CCDC60: variants seen among roughly 807,000 people sequenced by gnomAD.
CCDC60 encodes coiled-coil domain containing 60.
A neutral mutation model predicts 63.5 loss-of-function variants in CCDC60; 54 were observed. The observed-to-expected ratio is 0.85, with a 90% CI of 0.68 to 1.07. The LOEUF is 1.07. CCDC60 is among the 50% of genes least tolerant of loss of function. The probability of loss-of-function intolerance (pLI) is 0.00; values close to 1 mark genes in which losing one functional copy is unlikely to be tolerated. For missense variants in CCDC60, 651 were observed against 684.3 expected, an observed-to-expected ratio of 0.95 and a Z score of 0.54; for synonymous variants, 206 against 238.8, an observed-to-expected ratio of 0.86 and a Z score of 1.27.
At chr12:119,452,623 C>G (rs1328286258) in intron 2 of CCDC60, among the ~76,000 whole-genome samples, 1 of 152,174 alleles carries the variant, frequency 6.6e-6, no homozygotes, top group African/African-American at 2.4e-5. Context: ...AGCTTTCTCA[C>G]AGTTACTGGC....
chr12:119,458,349 A>G (rs561058938), intron 2 of CCDC60, among the ~76,000 whole-genome samples: 6 of 152,336 alleles, frequency 3.9e-5, no homozygotes, highest in African/African-American at 1.4e-4. Flanking sequence ...TTATAGCCCC[A>G]TATTTCTTGT....
At chr12:119,353,801 A>G (rs940556932) in intron 1 of CCDC60, among the ~76,000 whole-genome samples, 1 of 151,978 alleles carries the variant, frequency 6.6e-6, no homozygotes, top group Admixed American at 6.5e-5. Flanking sequence ...GGCTGGGCGC[A>G]GTGGCTTACG....
intron 1 of CCDC60, among the ~76,000 whole-genome samples, chr12:119,396,918 T>A (rs1371691792): frequency 6.6e-6 from 1 of 152,192 alleles, no homozygotes; most frequent in Non-Finnish European, 1.5e-5. Context: ...GTGTTACATT[T>A]CTTAAAGATG....
intron 1 of CCDC60, among the ~76,000 whole-genome samples, chr12:119,336,518 C>A (rs1197590717): frequency 6.6e-6 from 1 of 152,206 alleles, no homozygotes; most frequent in Non-Finnish European, 1.5e-5. Context: ...TCTCAGAGAT[C>A]TGCTGGTCTC....
intron 1 of CCDC60, among the ~76,000 whole-genome samples, chr12:119,419,061 C>G (rs916390799): frequency 2.6e-5 from 4 of 152,246 alleles, no homozygotes; most frequent in Admixed American, 2.6e-4. Context: ...CTGGCCATTT[C>G]TGCCTTGTGC....
At chr12:119,465,395 T>G (rs935488054) in intron 2 of CCDC60, among the ~76,000 whole-genome samples, 36 of 152,326 alleles carry the variant, frequency 2.4e-4, no homozygotes, top group South Asian at 1.0e-3. Context: ...CACCTTTTTT[T>G]GGGTGAAACC....
At chr12:119,418,021 GAAGATTCCAAACCTACAGA>G (rs1371112683) in intron 1 of CCDC60, among the ~76,000 whole-genome samples, 1 of 152,188 alleles carries the variant, frequency 6.6e-6, no homozygotes, top group African/African-American at 2.4e-5. Flanking sequence ...AAAGATTGTA[GAAGATTCCAAACCTACAGA>G]AAGTTTGCAA....
chr12:119,480,967 A>G (rs550344128), intron 4 of CCDC60, among the ~76,000 whole-genome samples: 1 of 149,598 alleles, frequency 6.7e-6, no homozygotes, highest in South Asian at 2.1e-4. Context: ...CATCACCATC[A>G]CCATCATTAT....
chr12:119,526,183 A>G (rs1253426469), intron 11 of CCDC60, among the ~76,000 whole-genome samples: 1 of 152,200 alleles, frequency 6.6e-6, no homozygotes, highest in African/African-American at 2.4e-5. Flanking sequence ...TATTCAATAA[A>G]TGGTGCTGGG....
intron 11 of CCDC60, among the ~76,000 whole-genome samples, chr12:119,524,728 T>TTC: frequency 6.9e-6 from 1 of 145,022 alleles, no homozygotes; most frequent in East Asian, 2.0e-4. Flanking sequence ...TTTCTTTTTT[T>TTC]TTTTTTTTTT....
At chr12:119,489,355 C>A (rs1402232555) in intron 5 of CCDC60, among the ~76,000 whole-genome samples, 1 of 151,662 alleles carries the variant, frequency 6.6e-6, no homozygotes, top group Non-Finnish European at 1.5e-5. Flanking sequence ...TTGCTTTGGT[C>A]TTTTTGTTGC....
intron 1 of CCDC60, among the ~76,000 whole-genome samples, chr12:119,346,774 CTCTTTCTTTCTTTCTT>C (rs61270891): frequency 0.052 from 6,510 of 125,348 alleles, 254 homozygotes; most frequent in Admixed American, 0.12. Context: ...ACTCATCTTT[CTCTTTCTTTCTTTCTT>C]TCTTTCTTTC....
chr12:119,518,285 G>A (rs1156544578), intron 8 of CCDC60, among the ~76,000 whole-genome samples: 1 of 152,194 alleles, frequency 6.6e-6, no homozygotes, highest in Non-Finnish European at 1.5e-5. Context: ...CACAGCACAA[G>A]CACTGGCTTT....
intron 1 of CCDC60, among the ~76,000 whole-genome samples, chr12:119,384,982 G>C (rs1956045638): frequency 6.6e-6 from 1 of 152,266 alleles, no homozygotes; most frequent in Non-Finnish European, 1.5e-5. Context: ...GAAACCATGT[G>C]CCCTGGCACG....
chr12:119,518,395 C>T (rs373622164), intron 8 of CCDC60, among the ~76,000 whole-genome samples: 21 of 152,126 alleles, frequency 1.4e-4, no homozygotes, highest in African/African-American at 3.4e-4. Flanking sequence ...GAGATTGTGT[C>T]GCATCAAAGC....
At chr12:119,373,229 A>C (rs1202344054) in intron 1 of CCDC60, among the ~76,000 whole-genome samples, 1 of 152,152 alleles carries the variant, frequency 6.6e-6, no homozygotes, top group Non-Finnish European at 1.5e-5. Flanking sequence ...TATAACTCCA[A>C]TTCCCTTACA....
intron 1 of CCDC60, among the ~76,000 whole-genome samples, chr12:119,382,076 A>G (rs939151856): frequency 6.6e-6 from 1 of 152,190 alleles, no homozygotes; most frequent in Non-Finnish European, 1.5e-5. Context: ...GAGAAACCCT[A>G]CTTGACCCCA....
chr12:119,400,047 C>CTTTTT (rs550702095), intron 1 of CCDC60, among the ~76,000 whole-genome samples: 38 of 131,790 alleles, frequency 2.9e-4, no homozygotes, highest in Non-Finnish European at 5.1e-4. Flanking sequence ...GGTTGGTTTC[C>CTTTTT]TTTTTTTTTT....
In CCDC60 at chr12:119,530,913, G is replaced by A. The variant is rs571851641; in HGVS notation, c.1401G>A (p.Lys467=). 43 of 1,614,008 alleles carry A rather than the reference G, an allele frequency of 2.7e-5. No individual in the cohort carries two copies. The highest frequency in any genetic ancestry group is 3.6e-5 in the Non-Finnish European group (43 of 1,179,998). ...DLLSKLPEDL[K]NFRPAKKILV... ...TGTCCAAACTGCCAGAGGATCTAAAGAACTTCCGCCCCGCCAAAAAGATCC... is the reference window on the plus strand; with the variant it reads ...TGTCCAAACTGCCAGAGGATCTAAAAAACTTCCGCCCCGCCAAAAAGATCC... The change falls in exon 13 of 14, where the codon AAG becomes AAA. Residue 467 remains lysine (K), a synonymous_variant. Coordinates refer to ENST00000327554, the MANE Select transcript of CCDC60 (RefSeq NM_178499.5).
Sources: allele counts gnomAD v4.1 joint callset (sites outside exome capture counted in the v4.1 genomes callset), GRCh38; gene constraint gnomAD v4.1.1; transcripts MANE v1.5; gene names NCBI Gene and HGNC (gene_info 2026-07-23, HGNC 2026-07-21).